GPC4: variants seen among roughly 807,000 people sequenced by gnomAD.
GPC4 encodes the protein glypican-4.
A neutral mutation model predicts 35.0 loss-of-function variants in GPC4; 10 were observed. The observed-to-expected ratio is 0.29, with a 90% CI of 0.18 to 0.48. The LOEUF (loss-of-function observed/expected upper bound fraction) is 0.48, where lower values mean the gene tolerates loss of function less well. Ranked by LOEUF, GPC4 falls within the 20% of genes least tolerant of loss-of-function variation. The pLI is 0.99. For synonymous variants in GPC4, 167 were observed against 170.2 expected (o/e 0.98, Z 0.15); for missense variants, 322 against 451.3 (o/e 0.71, Z 2.60).
intron 3 of GPC4, among the ~76,000 whole-genome samples, chrX:133,319,430 C>G (rs1490482374): frequency 1.9e-4 from 12 of 64,088 alleles, no homozygotes; most frequent in Non-Finnish European, 5.1e-5. Flanking sequence ...GGTGACAGAG[C>G]AAGACCCTAT....
intron 1 of GPC4, among the ~76,000 whole-genome samples, chrX:133,371,674 G>T (rs1254333591): frequency 9.0e-6 from 1 of 111,675 alleles, no homozygotes; most frequent in African/African-American, 3.3e-5. Context: ...AAAAAAAATT[G>T]CTTGAGTTGA....
chrX:133,358,722 C>T (rs759557510), intron 1 of GPC4, among the ~76,000 whole-genome samples: 15 of 111,508 alleles, frequency 1.3e-4, no homozygotes, highest in African/African-American at 4.9e-4. Context: ...TTTTATGTTG[C>T]TGATGACAGT....
intron 1 of GPC4, among the ~76,000 whole-genome samples, chrX:133,351,693 T>A (rs2068516947): frequency 1.8e-5 from 2 of 111,488 alleles, no homozygotes; most frequent in Admixed American, 9.6e-5. Flanking sequence ...TCAGACCTGT[T>A]AATTAACTAC....
intron 3 of GPC4, among the ~76,000 whole-genome samples, chrX:133,323,753 G>C (rs1248626844): frequency 8.9e-6 from 1 of 112,081 alleles, no homozygotes; most frequent in Non-Finnish European, 1.9e-5. Flanking sequence ...TAGGCTGACA[G>C]TCACACAAAA....
intron 1 of GPC4, among the ~76,000 whole-genome samples, chrX:133,356,289 G>A (rs1276772806): frequency 9.0e-6 from 1 of 111,209 alleles, no homozygotes; most frequent in East Asian, 2.8e-4. Context: ...CTGTCGCCCA[G>A]ACTGGAGTGC....
At chrX:133,383,331 A>G (rs1398343113) in intron 1 of GPC4, among the ~76,000 whole-genome samples, 1 of 111,546 alleles carries the variant, frequency 9.0e-6, no homozygotes, top group Non-Finnish European at 1.9e-5. Context: ...TGACATATGG[A>G]ATGTCATACA....
chrX:133,391,039 G>A (rs1458852259), intron 1 of GPC4, among the ~76,000 whole-genome samples: 1 of 112,042 alleles, frequency 8.9e-6, no homozygotes, highest in African/African-American at 3.2e-5. Flanking sequence ...ACATCAGACC[G>A]GAAAGAAAAT....
At chrX:133,367,834 C>T (rs1489771790) in intron 1 of GPC4, among the ~76,000 whole-genome samples, 1 of 112,323 alleles carries the variant, frequency 8.9e-6, no homozygotes, top group Non-Finnish European at 1.9e-5. Context: ...TGCCACTGCA[C>T]TCCGGGTAAG....
intron 1 of GPC4, among the ~76,000 whole-genome samples, chrX:133,410,618 C>T (rs1392298722): frequency 7.1e-5 from 8 of 112,235 alleles, no homozygotes; most frequent in Non-Finnish European, 3.8e-5. Context: ...CTCAGATTAA[C>T]GCCAATGTTG....
At chrX:133,383,172 G>A (rs1432729233) in intron 1 of GPC4, among the ~76,000 whole-genome samples, 1 of 111,951 alleles carries the variant, frequency 8.9e-6, no homozygotes, top group Non-Finnish European at 1.9e-5. Flanking sequence ...TCCTTCAGTA[G>A]GTGAATCTGT....
intron 4 of GPC4, among the ~76,000 whole-genome samples, chrX:133,307,174 T>C (rs1446004155): frequency 8.9e-6 from 1 of 111,933 alleles, no homozygotes; most frequent in Non-Finnish European, 1.9e-5. Context: ...ACATTATCTA[T>C]CATCTTCAGG....
intron 1 of GPC4, among the ~76,000 whole-genome samples, chrX:133,360,251 T>C (rs998156821): frequency 2.7e-5 from 3 of 111,848 alleles, no homozygotes; most frequent in African/African-American, 9.7e-5. Flanking sequence ...ACAAATGAGA[T>C]AAGGAAAATT....
rs938085753 is a variant in GPC4 at position 133,336,938 on chromosome X, C to T, written c.319+2245G>A. Among the ~76,000 whole-genome samples the T allele has an allele frequency of 7.2e-5, 8 of 111,004 alleles. No individual in the cohort carries two copies. In the Admixed American group the frequency reaches 7.7e-4, roughly 11 times the overall value. On this transcript the variant is annotated intron_variant, in intron 2 of 8. Coordinates refer to ENST00000370828, the MANE Select transcript of GPC4 (RefSeq NM_001448.3). Reference sequence around the variant, plus strand: ...GGCTCAAGTGATCCTCTCACCTCAACCTCTCAAGTAGCTGGGACCATAGGC... The same window carrying T: ...GGCTCAAGTGATCCTCTCACCTCAATCTCTCAAGTAGCTGGGACCATAGGC...
intron 3 of GPC4, 107 bp from the exon 4 acceptor site, chrX:133,311,530 G>A: frequency 1.4e-6 from 1 of 731,361 alleles, no homozygotes; most frequent in Non-Finnish European, 2.1e-6. Flanking sequence ...TTAAGAATGA[G>A]TTGTGATTGA....
chrX:133,338,020 T>C (rs2068452216), intron 2 of GPC4, among the ~76,000 whole-genome samples: 1 of 110,000 alleles, frequency 9.1e-6, no homozygotes, highest in Non-Finnish European at 1.9e-5. Context: ...GACAGTGTTT[T>C]AGTTCAACTA....
At chrX:133,365,938 TAGTC>T (rs750948989) in intron 1 of GPC4, among the ~76,000 whole-genome samples, 22 of 112,428 alleles carry the variant, frequency 2.0e-4, no homozygotes, top group Non-Finnish European at 3.7e-4. Context: ...GCACATTTTT[TAGTC>T]AGTAAGAACA....
chrX:133,395,907 G>A (rs2068740666), intron 1 of GPC4, among the ~76,000 whole-genome samples: 1 of 111,427 alleles, frequency 9.0e-6, no homozygotes, highest in African/African-American at 3.3e-5. Context: ...GAAAAGAAGA[G>A]AGATATGAGA....
chrX:133,381,423 T>C (rs1198330941), intron 1 of GPC4, among the ~76,000 whole-genome samples: 4 of 112,044 alleles, frequency 3.6e-5, no homozygotes, highest in Non-Finnish European at 7.5e-5. Context: ...TACCCAGCCA[T>C]GTAGAAATAC....
chrX:133,322,557 C>CAAA (rs11388265), intron 3 of GPC4, among the ~76,000 whole-genome samples: 2 of 99,100 alleles, frequency 2.0e-5, no homozygotes, highest in African/African-American at 7.3e-5. Context: ...GAGACTCTAT[C>CAAA]AAAAAAAAAA....
Sources: allele counts gnomAD v4.1 joint callset (sites outside exome capture counted in the v4.1 genomes callset), GRCh38; gene constraint gnomAD v4.1.1; transcripts MANE v1.5; gene names NCBI Gene and HGNC (gene_info 2026-07-23, HGNC 2026-07-21).